GTF2H5: variants seen among roughly 807,000 people sequenced by gnomAD.
GTF2H5 encodes general transcription factor IIH subunit 5, also known as TFB5 ortholog.
In GTF2H5, 5 loss-of-function variants were observed where a neutral mutation model predicts 7.1. That is an observed-to-expected ratio of 0.71 (90% CI 0.37 to 1.49). The LOEUF (loss-of-function observed/expected upper bound fraction) is 1.49, where lower values mean the gene tolerates loss of function less well. Ranked by LOEUF, GTF2H5 falls within the 40% of genes most tolerant of loss-of-function variation. The pLI is 0.03. For missense variants in GTF2H5, 80 were observed against 83.0 expected (o/e 0.96, Z 0.14); for synonymous variants, 30 against 31.7 (o/e 0.95, Z 0.18).
At chr6:158,177,798 C>T (rs1249801215) in intron 2 of GTF2H5, among the ~76,000 whole-genome samples, 1 of 152,164 alleles carries the variant, frequency 6.6e-6, no homozygotes, top group African/African-American at 2.4e-5. Context: ...TCACCTCCCA[C>T]TTATGAGCGA....
At position 158,177,631 on chromosome 6, in the gene GTF2H5, T is replaced by C. The variant is rs1252012243; in HGVS notation, c.35+7093T>C. Among the ~76,000 whole-genome samples, 3 of 152,194 alleles carry C rather than the reference T, an allele frequency of 2.0e-5. No individual in the cohort carries two copies. In the East Asian group the frequency reaches 5.8e-4, roughly 29 times the overall value. ...TAAATGTGCAGAACGTACAGTTTTG[T>C]TACATAGGTATACATGTGCCATGGT... On this transcript the variant is annotated intron_variant, in intron 2 of 2. Coordinates refer to ENST00000607778, the MANE Select transcript of GTF2H5 (RefSeq NM_207118.3).
chr6:158,190,079 T>G (rs2128431875), intron 2 of GTF2H5, among the ~76,000 whole-genome samples: 1 of 152,244 alleles, frequency 6.6e-6, no homozygotes, highest in East Asian at 1.9e-4. Flanking sequence ...CCTTTTTTTT[T>G]TTTAGTAGAG....
chr6:158,193,206 G>GGAGGATGGCTTAAGCCCA lies in GTF2H5; in HGVS notation c.*1053_*1054insATGGCTTAAGCCCAGAGG, dbSNP rs1337165840. On this transcript the variant is annotated 3_prime_UTR_variant, in exon 3 of 3. Coordinates refer to ENST00000607778, the MANE Select transcript of GTF2H5 (RefSeq NM_207118.3). ...CCCAGCCACTGGGGAGGCTGAGGTAGGAGGTCAAGGCTGCAGTGAACCTTG... is the reference window on the plus strand; with the variant it reads ...CCCAGCCACTGGGGAGGCTGAGGTAGGAGGATGGCTTAAGCCCAGAGGTCAAGGCTGCAGTGAACCTTG... 1 of 152,016 alleles carries GGAGGATGGCTTAAGCCCA rather than the reference G, an allele frequency of 6.6e-6. No homozygotes were observed. The highest frequency in any genetic ancestry group is 2.4e-5 in the African/African-American group (1 of 41,352). The allele number at this position is 152,016 out of a possible 1,614,324, so 9.4% of individuals were successfully genotyped here.
intron 2 of GTF2H5, among the ~76,000 whole-genome samples, chr6:158,174,938 TTTTCTC>T (rs1785908888): frequency 6.6e-6 from 1 of 152,078 alleles, no homozygotes; most frequent in South Asian, 2.1e-4. Context: ...TGTATAAATC[TTTTCTC>T]AGCCTTTGCC....
intron 1 of GTF2H5, among the ~76,000 whole-genome samples, chr6:158,169,842 C>CAT (rs1785824654): frequency 7.9e-6 from 1 of 126,494 alleles, no homozygotes; most frequent in African/African-American, 3.0e-5. Flanking sequence ...TATATATACA[C>CAT]ACACACACAC....
At chr6:158,169,388 TATATA>T (rs1392976194) in intron 1 of GTF2H5, among the ~76,000 whole-genome samples, 3 of 96,572 alleles carry the variant, frequency 3.1e-5, no homozygotes, top group African/African-American at 1.3e-4. Context: ...TTATATATTA[TATATA>T]ATATTATATT....
chr6:158,178,556 G>A lies in GTF2H5; in HGVS notation c.35+8018G>A, dbSNP rs571904735. Among the ~76,000 whole-genome samples, 20 of 151,934 alleles carry A rather than the reference G, an allele frequency of 1.3e-4. 2 individuals are homozygous for A. The South Asian group carries it at 1.9e-3, about 14-fold the overall frequency. On this transcript the variant is annotated intron_variant, in intron 2 of 2. Coordinates refer to ENST00000607778, the MANE Select transcript of GTF2H5 (RefSeq NM_207118.3). ...ATGATCGCAATTCTAACTGGTGTGA[G>A]ATGGTATCTCATTGTGGTTTTGATT...
chr6:158,175,009 G>GAT (rs1554267609), intron 2 of GTF2H5, among the ~76,000 whole-genome samples: 13 of 77,850 alleles, frequency 1.7e-4, no homozygotes, highest in South Asian at 5.3e-4. Flanking sequence ...CTGTGCCTGA[G>GAT]ATGTGTGTGT....
intron 2 of GTF2H5, chr6:158,190,830 A>G (rs1002057783): frequency 7.0e-6 from 3 of 429,658 alleles, no homozygotes; most frequent in African/African-American, 4.1e-5. Flanking sequence ...TGACATTTTT[A>G]TATTCATTTT....
chr6:158,195,948 T>C lies in GTF2H5; in HGVS notation c.*3791T>C, dbSNP rs1206465624. On this transcript the variant is annotated 3_prime_UTR_variant, in exon 3 of 3. Coordinates refer to ENST00000607778, the MANE Select transcript of GTF2H5 (RefSeq NM_207118.3). ...CTATGGATGAGATTATTGGATAAAC[T>C]TTTTTAAAAACACTGTTCTCAAGAT... 1 of 152,194 alleles carries C rather than the reference T, an allele frequency of 6.6e-6. No homozygotes were observed. The highest frequency in any genetic ancestry group is 1.5e-5 in the Non-Finnish European group (1 of 68,040). 9.4% of individuals were successfully genotyped at this position (152,194 alleles called of 1,614,324 possible). A position where few individuals can be genotyped will look rare whatever the true frequency, so the allele number is the denominator to read the frequency against.
In GTF2H5 at chr6:158,192,107, C is replaced by G. The variant is rs121434364; in HGVS notation, c.166C>G (p.Arg56Gly). The change falls in exon 3 of 3, where the codon CGA becomes GGA. Residue 56 changes from arginine to glycine, a missense_variant. Physicochemically the swap from Arg to Gly is moderately radical, Grantham distance 125. Transcript: ENST00000607778. ...AGAATTGGTTAATGTCCTCCAGGAG[C>G]GAGTGGGTGAATTAATGGACCAAAA... The part of the protein sequence containing the change: ...IAELVNVLQE[R>G]VGELMDQNAF... 1 of 1,613,632 alleles carries G rather than the reference C, an allele frequency of 6.2e-7. No individual in the cohort carries two copies. The highest frequency in any genetic ancestry group is 1.1e-5 in the South Asian group (1 of 91,062).
At chr6:158,169,376 T>C (rs1785716446) in intron 1 of GTF2H5, among the ~76,000 whole-genome samples, 1 of 94,684 alleles carries the variant, frequency 1.1e-5, no homozygotes, top group African/African-American at 5.0e-5. Context: ...ATAATATGTA[T>C]ATTATATATT....
At chr6:158,188,920 C>T (rs1172148860) in intron 2 of GTF2H5, among the ~76,000 whole-genome samples, 2 of 152,030 alleles carry the variant, frequency 1.3e-5, no homozygotes, top group African/African-American at 4.8e-5. Context: ...ATCTATGGCC[C>T]TGTTCACCAT....
intron 2 of GTF2H5, among the ~76,000 whole-genome samples, chr6:158,179,800 TC>T (rs1432561992): frequency 1.3e-5 from 2 of 152,286 alleles, no homozygotes; most frequent in African/African-American, 4.8e-5. Flanking sequence ...TGATTTGACT[TC>T]CTCTCTTCCT....
rs1298361594 is a variant in GTF2H5, at chr6:158,199,277, CA to C, written c.*7122del. 1.3e-5 allele frequency: 2 copies of C among 151,958 alleles called. No homozygotes were observed. Among genetic ancestry groups the C allele is most frequent in the Admixed American group, 6.6e-5 (1 of 15,262 alleles). The allele number at this position is 151,958 out of a possible 1,614,324, so 9.4% of individuals were successfully genotyped here. A position where few individuals can be genotyped will look rare whatever the true frequency, so the allele number is the denominator to read the frequency against. On this transcript the variant is annotated 3_prime_UTR_variant, in exon 3 of 3. Transcript: ENST00000607778. ...TAGAAGCCCAATCCCCACCTATACC[CA>C]ATATATCCATGGGACAAGCATGTAC...
At chr6:158,182,876 G>A (rs995399975) in intron 2 of GTF2H5, among the ~76,000 whole-genome samples, 9 of 152,010 alleles carry the variant, frequency 5.9e-5, no homozygotes, top group African/African-American at 2.2e-4. Flanking sequence ...GCCAACTTCT[G>A]TCATCTCGTC....
intron 1 of GTF2H5, among the ~76,000 whole-genome samples, chr6:158,169,654 C>T (rs11757428): frequency 0.13 from 5,280 of 39,994 alleles, 1,126 homozygotes; most frequent in African/African-American, 0.38. Context: ...TTGTATATTA[C>T]ATATAATATA....
At chr6:158,174,937 C>A (rs1785908852) in intron 2 of GTF2H5, among the ~76,000 whole-genome samples, 1 of 151,730 alleles carries the variant, frequency 6.6e-6, no homozygotes, top group South Asian at 2.1e-4. Context: ...ATGTATAAAT[C>A]TTTTCTCAGC....
At position 158,197,866 on chromosome 6, in the gene GTF2H5, T is replaced by C. The variant is rs1777136565; in HGVS notation, c.*5709T>C. Reference sequence around the variant, plus strand: ...AATCCCTGAAGGGCACCTGTTTTTCTTCAGCTAATAAAAAAGACATGGTTA... The same window carrying C: ...AATCCCTGAAGGGCACCTGTTTTTCCTCAGCTAATAAAAAAGACATGGTTA... On this transcript the variant is annotated 3_prime_UTR_variant, in exon 3 of 3. Coordinates refer to ENST00000607778, the MANE Select transcript of GTF2H5 (RefSeq NM_207118.3). The C allele has an allele frequency of 1.3e-5, 2 of 152,208 alleles. No individual in the cohort carries two copies. The highest frequency in any genetic ancestry group is 1.3e-4 in the Admixed American group (2 of 15,280). The allele number at this position is 152,208 out of a possible 1,614,324, so 9.4% of individuals were successfully genotyped here.
Sources: gnomAD v4.1 joint callset for allele counts (sites outside exome capture counted in the v4.1 genomes callset) on GRCh38, gnomAD v4.1.1 for gene constraint, MANE v1.5 for transcripts, NCBI Gene and HGNC (gene_info 2026-07-23, HGNC 2026-07-21) for gene names.